The following TBC1D22A variants were observed in gnomAD, a reference collection of about 807,000 sequenced individuals.
The protein encoded by TBC1D22A is putative GTPase activator.
A neutral mutation model predicts 60.2 loss-of-function variants in TBC1D22A; 38 were observed. That is an observed-to-expected ratio of 0.63 (90% CI 0.49 to 0.83). TBC1D22A has a LOEUF of 0.83. TBC1D22A is among the 40% of genes least tolerant of loss of function. The pLI, the probability that TBC1D22A is intolerant of heterozygous loss-of-function variation, is 0.00. For missense variants in TBC1D22A, 628 were observed against 701.0 expected (o/e 0.90, Z 1.18); for synonymous variants, 302 against 281.7 (o/e 1.07, Z -0.72).
At chr22:46,965,183 C>A (rs997555454) in intron 8 of TBC1D22A, among the ~76,000 whole-genome samples, 2 of 152,228 alleles carry the variant, frequency 1.3e-5, no homozygotes, top group African/African-American at 4.8e-5. Context: ...AGCAGAGGAA[C>A]CTGCATTGTG....
chr22:46,832,203 G>C (rs1009831458), intron 4 of TBC1D22A, among the ~76,000 whole-genome samples: 1 of 152,236 alleles, frequency 6.6e-6, no homozygotes, highest in Non-Finnish European at 1.5e-5. Flanking sequence ...GGCCAAACTG[G>C]AGACCAGGTG....
chr22:46,982,168 C>CA (rs934669065), intron 9 of TBC1D22A, among the ~76,000 whole-genome samples: 1 of 151,330 alleles, frequency 6.6e-6, no homozygotes, highest in Non-Finnish European at 1.5e-5. Context: ...GGTACTTGGG[C>CA]CTGATCACTC....
rs539704818 is a variant in TBC1D22A, at chr22:46,793,293, C to G, written c.120-208C>G. Among the ~76,000 whole-genome samples, 38 of 152,338 alleles carry G rather than the reference C, an allele frequency of 2.5e-4. No homozygotes were observed. In the East Asian group the frequency reaches 6.2e-3, roughly 25 times the overall value. On this transcript the variant is annotated intron_variant, in intron 2 of 12. Transcript: ENST00000337137. ...TCCTCCCAGGTGACCTTCCTGGAGCCCCCTCCCCCTCCTGCCACTGAGTCC... is the reference window on the plus strand; with the variant it reads ...TCCTCCCAGGTGACCTTCCTGGAGCGCCCTCCCCCTCCTGCCACTGAGTCC...
rs146205023 is a variant in TBC1D22A, at chr22:46,797,518, A to C, written c.535A>C (p.Thr179Pro). Residue 179 changes from threonine (T) to proline (P), a missense_variant, in exon 4 of 13, where the codon ACA becomes CCA. Thr to Pro is a conservative substitution (Grantham distance 38). Coordinates refer to ENST00000337137, the MANE Select transcript of TBC1D22A (RefSeq NM_014346.5). Reference protein sequence around the residue: ...PHSATVTLGGTSDPSTLSSSA... With the variant: ...PHSATVTLGGPSDPSTLSSSA... ...CTCGGCCACCGTCACGCTGGGTGGC[A>C]CATCTGACCCCAGCACTCTCAGCAG... 1.2e-6 allele frequency: 2 copies of C among 1,614,042 alleles called. No homozygotes were observed. Among genetic ancestry groups the C allele is most frequent in the South Asian group, 2.2e-5 (2 of 91,078 alleles).
intron 5 of TBC1D22A, among the ~76,000 whole-genome samples, chr22:46,881,370 T>G (rs1035610837): frequency 2.0e-5 from 3 of 152,096 alleles, no homozygotes; most frequent in East Asian, 1.9e-4. Flanking sequence ...GCAGAACAGA[T>G]AGTAGAAGGC....
At chr22:47,121,900 C>G (rs555779856) in intron 12 of TBC1D22A, among the ~76,000 whole-genome samples, 1 of 152,098 alleles carries the variant, frequency 6.6e-6, no homozygotes, top group Non-Finnish European at 1.5e-5. Flanking sequence ...TGTCGCACTG[C>G]GCCCGCCCCT....
At chr22:47,118,719 G>A (rs892830257) in intron 12 of TBC1D22A, among the ~76,000 whole-genome samples, 1 of 152,068 alleles carries the variant, frequency 6.6e-6, no homozygotes, top group African/African-American at 2.4e-5. Flanking sequence ...GAAATAGGCA[G>A]ACCTCCAGCA....
intron 11 of TBC1D22A, among the ~76,000 whole-genome samples, chr22:47,097,581 AGCC>A (rs2065235291): frequency 6.6e-6 from 1 of 152,256 alleles, no homozygotes; most frequent in African/African-American, 2.4e-5. Flanking sequence ...ACTGCACTCC[AGCC>A]TGGGCGAGAG....
At chr22:47,157,243 C>G (rs1301444030) in intron 12 of TBC1D22A, among the ~76,000 whole-genome samples, 1 of 152,218 alleles carries the variant, frequency 6.6e-6, no homozygotes, top group African/African-American at 2.4e-5. Context: ...GCGGCTCCTC[C>G]CACCTGGAGA....
intron 8 of TBC1D22A, among the ~76,000 whole-genome samples, chr22:46,920,211 C>T (rs1290785587): frequency 6.6e-6 from 1 of 152,126 alleles, no homozygotes; most frequent in Non-Finnish European, 1.5e-5. Context: ...TCCCAAGTAG[C>T]TGGGACTACA....
At chr22:46,972,633 G>T (rs2074115222) in intron 8 of TBC1D22A, among the ~76,000 whole-genome samples, 1 of 152,202 alleles carries the variant, frequency 6.6e-6, no homozygotes, top group African/African-American at 2.4e-5. Flanking sequence ...GCCAGGCGTG[G>T]GGTGGGGAGT....
intron 9 of TBC1D22A, 149 bp downstream of exon 9, chr22:46,974,548 C>T: frequency 1.5e-6 from 1 of 683,906 alleles, no homozygotes; most frequent in Admixed American, 2.3e-5. Flanking sequence ...GCACAGACCC[C>T]TCCGGGTTGA....
chr22:47,122,019 G>T (rs2066288424), intron 12 of TBC1D22A, among the ~76,000 whole-genome samples: 1 of 152,200 alleles, frequency 6.6e-6, no homozygotes, highest in Non-Finnish European at 1.5e-5. Flanking sequence ...ACATGCACAT[G>T]TGCAAACACA....
At chr22:47,119,558 G>A (rs2066197228) in intron 12 of TBC1D22A, among the ~76,000 whole-genome samples, 1 of 151,990 alleles carries the variant, frequency 6.6e-6, no homozygotes, top group Admixed American at 6.5e-5. Context: ...GTACAGTGGG[G>A]CGATCTCGGC....
chr22:47,006,420 T>C (rs2061592929), intron 10 of TBC1D22A, among the ~76,000 whole-genome samples: 1 of 152,258 alleles, frequency 6.6e-6, no homozygotes, highest in African/African-American at 2.4e-5. Flanking sequence ...ACTTCTTGAC[T>C]GATCTGGTGA....
At chr22:46,904,146 C>CTATCTATCTATCTATCTATCTAT (rs1555937562) in intron 7 of TBC1D22A, among the ~76,000 whole-genome samples, 1 of 45,392 alleles carries the variant, frequency 2.2e-5, no homozygotes, top group African/African-American at 6.0e-5. Flanking sequence ...TATCTATCTA[C>CTATCTATCTATCTATCTATCTAT]CTACCTACCT....
intron 11 of TBC1D22A, among the ~76,000 whole-genome samples, chr22:47,050,253 C>T (rs2063164648): frequency 6.6e-6 from 1 of 151,756 alleles, no homozygotes. Flanking sequence ...GATCCGCCCG[C>T]CTCGGCCCCC....
chr22:47,065,156 C>T (rs746567571), intron 11 of TBC1D22A, among the ~76,000 whole-genome samples: 9 of 151,972 alleles, frequency 5.9e-5, no homozygotes, highest in South Asian at 2.1e-4. Flanking sequence ...CCAACACGCC[C>T]GGCTAATTTT....
chr22:46,775,169 C>T (rs1422475727), intron 1 of TBC1D22A, among the ~76,000 whole-genome samples: 1 of 152,132 alleles, frequency 6.6e-6, no homozygotes, highest in Non-Finnish European at 1.5e-5. Context: ...GGGGGTGGGT[C>T]CCTTGGTGTC....
Sources: allele counts gnomAD v4.1 joint callset (sites outside exome capture counted in the v4.1 genomes callset), GRCh38; gene constraint gnomAD v4.1.1; transcripts MANE v1.5; gene names NCBI Gene and HGNC (gene_info 2026-07-23, HGNC 2026-07-21).